The following KANK1 variants were observed in gnomAD, a reference collection of about 807,000 sequenced individuals.
The protein encoded by KANK1 is KN motif and ankyrin repeat domains 1.
A neutral mutation model predicts 106.2 loss-of-function variants in KANK1; 109 were observed. That is an observed-to-expected ratio of 1.03 (90% CI 0.88 to 1.20). The LOEUF (loss-of-function observed/expected upper bound fraction) is 1.20, where lower values mean the gene tolerates loss of function less well. Among genes scored for constraint, KANK1 ranks in the 50% most tolerant of loss-of-function variants. KANK1 has a pLI of 0.00. For synonymous variants in KANK1, 873 were observed against 652.2 expected, an observed-to-expected ratio of 1.34 and a Z score of -5.16; for missense variants, 2,399 against 1,710.7, an observed-to-expected ratio of 1.40 and a Z score of -7.10.
intron 3 of KANK1, among the ~76,000 whole-genome samples, chr9:486,008 G>A (rs1337125705): frequency 1.3e-5 from 2 of 152,130 alleles, no homozygotes; most frequent in Non-Finnish European, 2.9e-5. Flanking sequence ...CATGAGCTGA[G>A]AAGTTTCCCG....
At chr9:578,534 C>G (rs1280026107) in intron 1 of KANK1, among the ~76,000 whole-genome samples, 1 of 151,766 alleles carries the variant, frequency 6.6e-6, no homozygotes, top group African/African-American at 2.4e-5. Context: ...CTAAATATAT[C>G]TATTCTAATT....
intron 1 of KANK1, among the ~76,000 whole-genome samples, chr9:576,845 A>G (rs866469456): frequency 1.3e-5 from 2 of 152,114 alleles, no homozygotes; most frequent in African/African-American, 2.4e-5. Flanking sequence ...TTTCTATACT[A>G]TTAACAGAAA....
chr9:743,092 T>C (rs1264862005), intron 10 of KANK1, among the ~76,000 whole-genome samples: 4 of 152,044 alleles, frequency 2.6e-5, no homozygotes, highest in African/African-American at 9.7e-5. Flanking sequence ...AGGTAGAAGG[T>C]AGGAACTGGC....
In KANK1 at chr9:523,960, A is replaced by G. The variant is rs577587580; in HGVS notation, c.-84+19206A>G. ...TAGCTGGTTTGCTGGTTGGTGGTAC[A>G]TCAAGCTCCTAGAACGGAACTGGAA... On this transcript the variant is annotated intron_variant, in intron 1 of 11. Coordinates refer to ENST00000382297, the MANE Select transcript of KANK1 (RefSeq NM_015158.5). Among the ~76,000 whole-genome samples, 16 of 151,862 alleles carry G rather than the reference A, an allele frequency of 1.1e-4. No homozygotes were observed. The South Asian group carries it at 2.3e-3, about 22-fold the overall frequency.
At chr9:495,119 G>C (rs1230530027) in intron 3 of KANK1, 4 of 152,254 alleles carry the variant, frequency 2.6e-5, no homozygotes, top group African/African-American at 9.6e-5. Context: ...ATAAAGCTTT[G>C]GAAAAATCCT....
intron 1 of KANK1, among the ~76,000 whole-genome samples, chr9:665,582 A>G (rs1161374724): frequency 2.0e-5 from 3 of 152,092 alleles, no homozygotes; most frequent in African/African-American, 4.8e-5. Flanking sequence ...CTTGTAGTAT[A>G]TTTTTAAGTC....
intron 1 of KANK1, among the ~76,000 whole-genome samples, chr9:612,043 G>T (rs564011233): frequency 1.3e-5 from 2 of 152,276 alleles, no homozygotes; most frequent in South Asian, 4.1e-4. Flanking sequence ...ATGTGCCCTT[G>T]CCTGTACATA....
At chr9:719,893 A>G (rs2131281149) in intron 3 of KANK1, among the ~76,000 whole-genome samples, 1 of 152,284 alleles carries the variant, frequency 6.6e-6, no homozygotes, top group African/African-American at 2.4e-5. Flanking sequence ...AGTTTCACTG[A>G]ATTATTTTTC....
At chr9:656,500 C>G (rs955211853) in intron 1 of KANK1, among the ~76,000 whole-genome samples, 1 of 152,112 alleles carries the variant, frequency 6.6e-6, no homozygotes, top group African/African-American at 2.4e-5. Context: ...CTGGGTGTGG[C>G]CTGTCATTGG....
chr9:526,824 A>AT (rs889773014), intron 1 of KANK1, among the ~76,000 whole-genome samples: 1 of 151,630 alleles, frequency 6.6e-6, no homozygotes, highest in Non-Finnish European at 1.5e-5. Context: ...TCATTTCTTG[A>AT]TTTTTTTAAA....
chr9:520,691 G>T (rs1462565976), intron 1 of KANK1, among the ~76,000 whole-genome samples: 2 of 151,766 alleles, frequency 1.3e-5, no homozygotes, highest in African/African-American at 2.4e-5. Context: ...ATTTTGAAAA[G>T]ATTATGCCTC....
intron 1 of KANK1, among the ~76,000 whole-genome samples, chr9:669,328 C>A (rs546509482): frequency 3.3e-5 from 5 of 152,176 alleles, no homozygotes; most frequent in African/African-American, 1.2e-4. Context: ...CAAATGTTTT[C>A]TTTTTGCACA....
At chr9:633,684 G>A (rs1443132952) in intron 1 of KANK1, among the ~76,000 whole-genome samples, 4 of 152,106 alleles carry the variant, frequency 2.6e-5, no homozygotes, top group Non-Finnish European at 5.9e-5. Context: ...ACAGGGTCTC[G>A]CTTTGTCACC....
At chr9:615,588 A>T (rs1174828172) in intron 1 of KANK1, among the ~76,000 whole-genome samples, 3 of 152,220 alleles carry the variant, frequency 2.0e-5, no homozygotes, top group African/African-American at 7.2e-5. Flanking sequence ...GGTACCTAGC[A>T]CAGAGTCAGT....
At chr9:599,766 T>A (rs1009255370) in intron 1 of KANK1, among the ~76,000 whole-genome samples, 2 of 151,892 alleles carry the variant, frequency 1.3e-5, no homozygotes, top group Admixed American at 1.3e-4. Context: ...ACTTTTCATA[T>A]ACGCAGGTTC....
intron 1 of KANK1, among the ~76,000 whole-genome samples, chr9:645,934 T>C (rs1839576380): frequency 6.6e-6 from 1 of 150,934 alleles, no homozygotes; most frequent in Non-Finnish European, 1.5e-5. Flanking sequence ...AGCCACAAAA[T>C]TAAAAGATTT....
chr9:550,464 G>A (rs569502176), intron 1 of KANK1, among the ~76,000 whole-genome samples: 111 of 152,246 alleles, frequency 7.3e-4, no homozygotes, highest in African/African-American at 2.5e-3. Context: ...AAAACACCAC[G>A]CCAGGTGGCG....
intron 1 of KANK1, among the ~76,000 whole-genome samples, chr9:620,505 C>T (rs943008175): frequency 6.6e-6 from 1 of 151,956 alleles, no homozygotes; most frequent in African/African-American, 2.4e-5. Context: ...CAGGTTCAAG[C>T]GATTCTCCTG....
intron 1 of KANK1, among the ~76,000 whole-genome samples, chr9:534,598 TC>T (rs2060211457): frequency 6.6e-6 from 1 of 152,234 alleles, no homozygotes; most frequent in Admixed American, 6.5e-5. Flanking sequence ...CGTGATTTTT[TC>T]CCCCTCTTAG....
Sources: gnomAD v4.1 joint callset for allele counts (sites outside exome capture counted in the v4.1 genomes callset) on GRCh38, gnomAD v4.1.1 for gene constraint, MANE v1.5 for transcripts, NCBI Gene and HGNC (gene_info 2026-07-23, HGNC 2026-07-21) for gene names.